MPDZ: variants seen among roughly 807,000 people sequenced by gnomAD.
MPDZ encodes multiple PDZ domain crumbs cell polarity complex component.
A neutral mutation model predicts 239.1 loss-of-function variants in MPDZ; 234 were observed. That is an observed-to-expected ratio of 0.98 (90% CI 0.88 to 1.09). MPDZ has a LOEUF of 1.09. MPDZ is among the 50% of genes least tolerant of loss of function. The pLI is 0.00. For missense variants in MPDZ, 3,175 were observed against 2,510.0 expected (o/e 1.26, Z -5.66); for synonymous variants, 1,048 against 881.3 (o/e 1.19, Z -3.35).
intron 21 of MPDZ, among the ~76,000 whole-genome samples, chr9:13,169,080 C>T (rs1161831313): frequency 6.6e-6 from 1 of 152,098 alleles, no homozygotes; most frequent in East Asian, 1.9e-4. Context: ...AACAGCATAG[C>T]ACAGAATTCC....
intron 28 of MPDZ, among the ~76,000 whole-genome samples, chr9:13,139,050 G>A (rs1947268851): frequency 6.6e-6 from 1 of 152,194 alleles, no homozygotes; most frequent in South Asian, 2.1e-4. Context: ...ATGCTCTAGT[G>A]TCACTGAGAA....
intron 32 of MPDZ, among the ~76,000 whole-genome samples, chr9:13,128,644 G>A (rs1945464082): frequency 6.6e-6 from 1 of 152,168 alleles, no homozygotes; most frequent in South Asian, 2.1e-4. Flanking sequence ...CAAGAATGGG[G>A]TTTGAACAAC....
At chr9:13,129,702 T>C (rs1164476744) in intron 32 of MPDZ, among the ~76,000 whole-genome samples, 2 of 151,998 alleles carry the variant, frequency 1.3e-5, no homozygotes, top group Non-Finnish European at 2.9e-5. Flanking sequence ...ATTAAGGAAA[T>C]ATATTTTTGT....
rs1475071215 is a variant in MPDZ, at chr9:13,269,896, C to G, written c.-58+9504G>C. On this transcript the variant is annotated intron_variant, in intron 1 of 46. Transcript: ENST00000319217. ...GAAATCCAAATTACTATGAACCTAT[C>G]TGAACACGTACCTTAGCCATATAAG... Among the ~76,000 whole-genome samples the G allele has an allele frequency of 2.0e-5, 3 of 152,164 alleles. No individual in the cohort carries two copies. The East Asian group carries it at 5.8e-4, about 29-fold the overall frequency.
Position 13,179,310 on chromosome 9 carries a change from G to A in MPDZ, c.2650-2893C>T, listed in dbSNP as rs112144697. Among the ~76,000 whole-genome samples the A allele has an allele frequency of 7.2e-3, 1,091 of 152,146 alleles. 12 individuals are homozygous for A. The highest frequency in any genetic ancestry group is 0.025 in the African/African-American group (1,049 of 41,510). Reference sequence around the variant, plus strand: ...TACAGAACTGGTTAGCTTCCATATTGCTAAATTGATTATAATAATTAGTAA... The same window carrying A: ...TACAGAACTGGTTAGCTTCCATATTACTAAATTGATTATAATAATTAGTAA... On this transcript the variant is annotated intron_variant, in intron 19 of 46. Transcript: ENST00000319217.
chr9:13,260,714 G>C (rs1226547993), intron 1 of MPDZ, among the ~76,000 whole-genome samples: 1 of 152,178 alleles, frequency 6.6e-6, no homozygotes, highest in Non-Finnish European at 1.5e-5. Context: ...CTATGTGCAA[G>C]CACTGAGGAA....
chr9:13,129,121 T>G (rs957277680), intron 32 of MPDZ, among the ~76,000 whole-genome samples: 69 of 152,130 alleles, frequency 4.5e-4, no homozygotes, highest in African/African-American at 1.6e-3. Context: ...ACTAGAATAC[T>G]ACAAAAACAA....
At chr9:13,224,982 A>C (rs1158595932) in intron 3 of MPDZ, among the ~76,000 whole-genome samples, 3 of 152,118 alleles carry the variant, frequency 2.0e-5, no homozygotes, top group Non-Finnish European at 4.4e-5. Context: ...TTTCTTCTTC[A>C]TGGTGGGCCC....
intron 1 of MPDZ, among the ~76,000 whole-genome samples, chr9:13,263,122 C>T (rs1304172035): frequency 6.6e-6 from 1 of 151,806 alleles, no homozygotes; most frequent in Non-Finnish European, 1.5e-5. Flanking sequence ...GATATAATGT[C>T]CACAATTTGC....
chr9:13,193,610 C>G (rs1053742650), intron 13 of MPDZ, among the ~76,000 whole-genome samples: 1 of 152,134 alleles, frequency 6.6e-6, no homozygotes, highest in East Asian at 1.9e-4. Context: ...AGTAGAAAAA[C>G]GAGGTTCAGA....
rs193220793 is a variant in MPDZ, at chr9:13,206,607, G to A, written c.1291-508C>T. Among the ~76,000 whole-genome samples the A allele has an allele frequency of 1.1e-4, 17 of 151,038 alleles. No individual in the cohort carries two copies. The East Asian group carries it at 3.0e-3, about 26-fold the overall frequency. On this transcript the variant is annotated intron_variant, in intron 10 of 46. Transcript: ENST00000319217. ...TCACCAGGCTGGAATGCAGTGGTGC[G>A]ATCTCGGCTCATTGCAACCTCCACC...
intron 21 of MPDZ, 55 bp from the exon 22 acceptor site, chr9:13,168,619 T>G: frequency 1.6e-6 from 2 of 1,214,758 alleles, no homozygotes; most frequent in South Asian, 3.5e-5. Context: ...TCAATTCATT[T>G]TAATTTGAAT....
intron 19 of MPDZ, among the ~76,000 whole-genome samples, chr9:13,182,231 C>T (rs980872419): frequency 3.3e-5 from 5 of 151,816 alleles, no homozygotes; most frequent in African/African-American, 1.2e-4. Context: ...AAAAATTGTC[C>T]AGTCTTTTCA....
At chr9:13,173,214 A>T (rs967305659) in intron 21 of MPDZ, among the ~76,000 whole-genome samples, 3 of 152,196 alleles carry the variant, frequency 2.0e-5, no homozygotes, top group African/African-American at 7.2e-5. Flanking sequence ...CTACACAACA[A>T]TGTGAGTGCA....
At chr9:13,143,221 G>T (rs556137983) in intron 27 of MPDZ, among the ~76,000 whole-genome samples, 8 of 152,162 alleles carry the variant, frequency 5.3e-5, no homozygotes, top group Admixed American at 6.6e-5. Context: ...AAAGGCACTG[G>T]ACTCATGATT....
At chr9:13,178,464 ACT>A (rs1188394899) in intron 19 of MPDZ, among the ~76,000 whole-genome samples, 2 of 151,992 alleles carry the variant, frequency 1.3e-5, no homozygotes, top group Admixed American at 6.6e-5. Flanking sequence ...TTCTGTTAAC[ACT>A]CTCTTCATAT....
intron 22 of MPDZ, 71 bp downstream of exon 22, chr9:13,168,295 C>G (rs1951333210): frequency 1.4e-6 from 2 of 1,424,576 alleles, no homozygotes; most frequent in Non-Finnish European, 9.8e-7. Context: ...GAAGTGAATA[C>G]TGAAAAAGAA....
At chr9:13,157,617 G>A (rs1949981346) in intron 24 of MPDZ, among the ~76,000 whole-genome samples, 1 of 151,514 alleles carries the variant, frequency 6.6e-6, no homozygotes, top group South Asian at 2.1e-4. Context: ...GGCTATGAGG[G>A]TACTTTTACA....
chr9:13,254,938 C>T (rs1969062004), intron 1 of MPDZ, among the ~76,000 whole-genome samples: 1 of 152,124 alleles, frequency 6.6e-6, no homozygotes, highest in Non-Finnish European at 1.5e-5. Context: ...AATAAGACAA[C>T]AATGAGCTTT....
Sources: allele counts gnomAD v4.1 joint callset (sites outside exome capture counted in the v4.1 genomes callset), GRCh38; gene constraint gnomAD v4.1.1; transcripts MANE v1.5; gene names NCBI Gene and HGNC (gene_info 2026-07-23, HGNC 2026-07-21).